SERPINE3: variants seen among roughly 807,000 people sequenced by gnomAD.
SERPINE3 encodes serpin family E member 3.
A neutral mutation model predicts 41.7 loss-of-function variants in SERPINE3; 43 were observed. That is an observed-to-expected ratio of 1.03 (90% CI 0.81 to 1.33). The LOEUF (loss-of-function observed/expected upper bound fraction) is 1.33, where lower values mean the gene tolerates loss of function less well. SERPINE3 is among the 40% of genes most tolerant of loss of function. The pLI is 0.00. For synonymous variants in SERPINE3, 200 were observed against 192.2 expected, an observed-to-expected ratio of 1.04 and a Z score of -0.34; for missense variants, 440 against 491.7, an observed-to-expected ratio of 0.89 and a Z score of 0.99.
At chr13:51,349,270 T>C (rs1333023989) in intron 6 of SERPINE3, among the ~76,000 whole-genome samples, 1 of 151,954 alleles carries the variant, frequency 6.6e-6, no homozygotes, top group Non-Finnish European at 1.5e-5. Flanking sequence ...TAAAAGTAAA[T>C]CTATGCACTA....
chr13:51,341,814 CA>C (rs764535464), intron 3 of SERPINE3, among the ~76,000 whole-genome samples: 17 of 152,150 alleles, frequency 1.1e-4, no homozygotes, highest in Non-Finnish European at 2.4e-4. Context: ...AGCAAATAGG[CA>C]TGGAGAGTTG....
At chr13:51,353,756 T>A (rs1955436165) in intron 6 of SERPINE3, among the ~76,000 whole-genome samples, 1 of 152,206 alleles carries the variant, frequency 6.6e-6, no homozygotes, top group Admixed American at 6.5e-5. Context: ...AAAGTATGAG[T>A]CATACTGTCT....
At chr13:51,357,503 A>G (rs1004694413) in intron 7 of SERPINE3, among the ~76,000 whole-genome samples, 5 of 152,108 alleles carry the variant, frequency 3.3e-5, no homozygotes, top group African/African-American at 4.8e-5. Flanking sequence ...CACCACAGCA[A>G]ACATTTGGCC....
intron 5 of SERPINE3, 35 bp from the exon 6 acceptor site, chr13:51,348,178 G>T: frequency 6.6e-7 from 1 of 1,509,832 alleles, no homozygotes; most frequent in South Asian, 1.2e-5. Flanking sequence ...CTGGCTCCTG[G>T]GACAGAGCTG....
At chr13:51,345,846 T>C (rs1955341158) in intron 4 of SERPINE3, among the ~76,000 whole-genome samples, 1 of 152,196 alleles carries the variant, frequency 6.6e-6, no homozygotes, top group South Asian at 2.1e-4. Flanking sequence ...TGCAGGCTGA[T>C]TGTCCTCTAA....
At chr13:51,361,533 AC>A (rs1406104593) in intron 8 of SERPINE3, 169 bp downstream of exon 8, 1 of 597,106 alleles carries the variant, frequency 1.7e-6, no homozygotes, top group Admixed American at 3.2e-5. Flanking sequence ...TTGAAAAATG[AC>A]GGGGAAGAAG....
intron 6 of SERPINE3, among the ~76,000 whole-genome samples, chr13:51,350,020 C>T (rs1319553089): frequency 1.3e-5 from 2 of 152,136 alleles, no homozygotes; most frequent in African/African-American, 2.4e-5. Context: ...CTTTGGATCA[C>T]GGTAGACACA....
intron 7 of SERPINE3, among the ~76,000 whole-genome samples, chr13:51,357,324 T>C: frequency 6.6e-6 from 1 of 152,200 alleles, no homozygotes; most frequent in Non-Finnish European, 1.5e-5. Flanking sequence ...ATGGGGTAAC[T>C]ACCACTCACC....
Position 51,361,810 on chromosome 13 carries a change from C to T in SERPINE3, c.1088C>T (p.Ala363Val). 1 of 1,603,014 alleles carries T rather than the reference C, an allele frequency of 6.2e-7. No homozygotes were observed. Among genetic ancestry groups the T allele is most frequent in the East Asian group, 2.2e-5 (1 of 44,676 alleles). ...TGGAATTTTTCTTTCTTTCCTGCAG[C>T]TCTGTTGTTATTGAAAAGGTCTCGG... Reference protein sequence around the residue: ...EEGTKASGATALLLLKRSRIP... With the variant: ...EEGTKASGATVLLLLKRSRIP... The change falls in exon 9 of 10, where the codon GCT becomes GTT. Residue 363 changes from alanine (A) to valine (V), a missense_variant and splice_region_variant. Coordinates refer to ENST00000681248, the MANE Select transcript of SERPINE3 (RefSeq NM_001386375.1).
At chr13:51,342,329 TG>T (rs1266925789) in intron 3 of SERPINE3, among the ~76,000 whole-genome samples, 1 of 152,146 alleles carries the variant, frequency 6.6e-6, no homozygotes, top group Non-Finnish European at 1.5e-5. Context: ...CACCTATACC[TG>T]GGTGACACTG....
chr13:51,341,158 C>T lies in SERPINE3; in HGVS notation c.67C>T (p.Arg23Cys), dbSNP rs376407383. 5.2e-5 allele frequency: 84 copies of T among 1,613,908 alleles called. No individual in the cohort carries two copies. The highest frequency in any genetic ancestry group is 6.8e-5 in the Non-Finnish European group (80 of 1,179,880). ...SCCLRANGHL[R>C]EGMTLLKTEF... ...CTGCCTCCGAGCAAATGGCCACCTC[C>T]GTGAAGGAATGACATTGCTGAAGAC... Residue 23 changes from arginine to cysteine, a missense_variant, in exon 3 of 10, where the codon CGT becomes TGT. Transcript: ENST00000681248.
At chr13:51,361,486 T>C (rs1262762180) in intron 8 of SERPINE3, 122 bp downstream of exon 8, 1 of 699,040 alleles carries the variant, frequency 1.4e-6, no homozygotes, top group African/African-American at 1.8e-5. Context: ...TGGTGTAGTA[T>C]TTTTTAAAAA....
intron 4 of SERPINE3, 30 bp from the exon 5 acceptor site, chr13:51,346,995 C>G (rs1168479350): frequency 6.6e-7 from 1 of 1,518,440 alleles, no homozygotes; most frequent in Non-Finnish European, 9.0e-7. Context: ...GCACATTTAA[C>G]CCATGGCCAC....
rs1955490608 is a variant in SERPINE3 at position 51,356,981 on chromosome 13, G to C, written c.1000+1838G>C. Among the ~76,000 whole-genome samples, 3 of 152,098 alleles carry C rather than the reference G, an allele frequency of 2.0e-5. No homozygotes were observed. In the South Asian group the frequency reaches 6.2e-4, roughly 32 times the overall value. ...CATGAAGTTTTGTTCCTCTAAAGCA[G>C]GGGTCAGCAAACAATGGCCTACCAC... On this transcript the variant is annotated intron_variant, in intron 7 of 9. Coordinates refer to ENST00000681248, the MANE Select transcript of SERPINE3 (RefSeq NM_001386375.1).
chr13:51,363,471 GAATC>G (rs1955623236), intron 9 of SERPINE3: 1 of 151,432 alleles, frequency 6.6e-6, no homozygotes, highest in Non-Finnish European at 1.5e-5. Flanking sequence ...AGCAACTAAT[GAATC>G]AATCAGCAAA....
chr13:51,356,270 C>G (rs1955480313), intron 7 of SERPINE3, among the ~76,000 whole-genome samples: 1 of 151,932 alleles, frequency 6.6e-6, no homozygotes, highest in African/African-American at 2.4e-5. Context: ...TTGACTTGGT[C>G]AAATGACTCA....
chr13:51,355,239 T>C (rs9596506), intron 7 of SERPINE3, 96 bp downstream of exon 7: 249,088 of 525,004 alleles, frequency 0.47, 52,237 homozygotes, highest in African/African-American at 0.67. Flanking sequence ...GTCAACATTA[T>C]GTAAAAGAAT....
intron 4 of SERPINE3, among the ~76,000 whole-genome samples, chr13:51,345,785 T>G (rs750312820): frequency 6.6e-6 from 1 of 152,248 alleles, no homozygotes; most frequent in African/African-American, 2.4e-5. Context: ...TTTAATTCCC[T>G]GCTCACATCC....
chr13:51,343,027 G>T (rs900555136), intron 3 of SERPINE3, among the ~76,000 whole-genome samples: 7 of 152,060 alleles, frequency 4.6e-5, no homozygotes, highest in African/African-American at 1.5e-4. Context: ...GTTTGGCTGG[G>T]GACCCTGGCC....
Sources: allele counts gnomAD v4.1 joint callset (sites outside exome capture counted in the v4.1 genomes callset), GRCh38; gene constraint gnomAD v4.1.1; transcripts MANE v1.5; gene names NCBI Gene and HGNC (gene_info 2026-07-23, HGNC 2026-07-21).